CHRNA7: variants seen among roughly 807,000 people sequenced by gnomAD.
The protein encoded by CHRNA7 is cholinergic receptor nicotinic alpha 7 subunit.
A neutral mutation model predicts 48.0 loss-of-function variants in CHRNA7; 17 were observed. That is an observed-to-expected ratio of 0.35 (90% confidence interval 0.24 to 0.53). The LOEUF is 0.53. Among genes scored for constraint, CHRNA7 ranks in the 20% least tolerant of loss-of-function variants. The pLI is 0.92. For missense variants in CHRNA7, 155 were observed against 577.7 expected (o/e 0.27, Z 7.50); for synonymous variants, 75 against 242.3 (o/e 0.31, Z 6.41).
At chr15:32,084,842 T>C (rs1370140801) in intron 2 of CHRNA7, among the ~76,000 whole-genome samples, 1 of 151,960 alleles carries the variant, frequency 6.6e-6, no homozygotes, top group Non-Finnish European at 1.5e-5. Flanking sequence ...TCTTTTTTTT[T>C]TTTTTTTGAG....
At chr15:32,031,881 T>G (rs1901860067) in intron 2 of CHRNA7, among the ~76,000 whole-genome samples, 1 of 152,340 alleles carries the variant, frequency 6.6e-6, no homozygotes, top group Non-Finnish European at 1.5e-5. Context: ...CGGATTCTAT[T>G]GTGGAGCACC....
chr15:32,107,451 A>G, intron 3 of CHRNA7, among the ~76,000 whole-genome samples: 1 of 149,650 alleles, frequency 6.7e-6, no homozygotes, highest in East Asian at 1.9e-4. Flanking sequence ...TATTTAATAT[A>G]TTTATAAATA....
At chr15:32,060,530 C>A (rs2049862641) in intron 2 of CHRNA7, among the ~76,000 whole-genome samples, 1 of 152,054 alleles carries the variant, frequency 6.6e-6, no homozygotes, top group Admixed American at 6.6e-5. Context: ...ACTGAACAAT[C>A]CAATAAAACT....
chr15:32,094,918 A>G (rs2175884), intron 2 of CHRNA7, among the ~76,000 whole-genome samples: 121,538 of 152,220 alleles, frequency 0.8, 48,626 homozygotes, highest in East Asian at 0.93. Flanking sequence ...AAAGTGCTGG[A>G]ATTACAGGCG....
chr15:32,109,218 G>T (rs1242416100), intron 3 of CHRNA7, among the ~76,000 whole-genome samples: 2 of 152,112 alleles, frequency 1.3e-5, no homozygotes, highest in East Asian at 3.9e-4. Context: ...CTCTTTTTTA[G>T]ACCATGTAAG....
chr15:32,114,147 G>C (rs34233374), intron 4 of CHRNA7, among the ~76,000 whole-genome samples: 22,431 of 144,216 alleles, frequency 0.16, 2,181 homozygotes, highest in Middle Eastern at 0.25. Flanking sequence ...CACACACAGA[G>C]AGAGAGAGAG....
At chr15:32,120,367 C>T (rs2050947412) in intron 4 of CHRNA7, among the ~76,000 whole-genome samples, 1 of 152,186 alleles carries the variant, frequency 6.6e-6, no homozygotes, top group African/African-American at 2.4e-5. Flanking sequence ...CAGGCTCAGC[C>T]TTCCACTTCC....
intron 2 of CHRNA7, among the ~76,000 whole-genome samples, chr15:32,097,890 T>TGG (rs963495203): frequency 4.6e-5 from 7 of 152,302 alleles, no homozygotes; most frequent in African/African-American, 1.2e-4. Flanking sequence ...CATGGCAGGC[T>TGG]GGGGGCTCTG....
At chr15:32,141,586 C>T (rs1200401392) in intron 4 of CHRNA7, among the ~76,000 whole-genome samples, 1 of 152,170 alleles carries the variant, frequency 6.6e-6, no homozygotes, top group Non-Finnish European at 1.5e-5. Context: ...TTTGTGTCCT[C>T]TTTTATTTCA....
chr15:32,068,796 T>A (rs1245592713), intron 2 of CHRNA7, among the ~76,000 whole-genome samples: 1 of 151,456 alleles, frequency 6.6e-6, no homozygotes, highest in East Asian at 1.9e-4. Context: ...AGTAAACTGG[T>A]CAGGAATATA....
At chr15:32,048,037 G>A (rs1260487169) in intron 2 of CHRNA7, among the ~76,000 whole-genome samples, 1 of 152,160 alleles carries the variant, frequency 6.6e-6, no homozygotes, top group African/African-American at 2.4e-5. Context: ...GATCATGGTG[G>A]ATAAGCTTTT....
chr15:32,090,489 A>G (rs2050365573), intron 2 of CHRNA7, among the ~76,000 whole-genome samples: 2 of 152,168 alleles, frequency 1.3e-5, no homozygotes, highest in Admixed American at 6.5e-5. Context: ...CACTGAAATT[A>G]CCATTTAAGC....
intron 4 of CHRNA7, among the ~76,000 whole-genome samples, chr15:32,133,507 G>T (rs1328405430): frequency 6.6e-6 from 1 of 152,274 alleles, no homozygotes; most frequent in East Asian, 1.9e-4. Flanking sequence ...TCGTGCTTCT[G>T]CCCTCTTGCC....
intron 2 of CHRNA7, among the ~76,000 whole-genome samples, chr15:32,094,692 A>G (rs2337509): frequency 0.99 from 149,931 of 150,788 alleles, 74,545 homozygotes; most frequent in Middle Eastern, 1. Flanking sequence ...ACAGAGTCTT[A>G]CTCTGTCGCC....
chr15:32,114,061 C>CAAATAT (rs1555383701), intron 4 of CHRNA7, among the ~76,000 whole-genome samples: 1 of 120,226 alleles, frequency 8.3e-6, no homozygotes, highest in Non-Finnish European at 1.7e-5. Flanking sequence ...TATATATATA[C>CAAATAT]ATATATATAT....
chr15:32,102,230 C>G (rs1006187952), intron 3 of CHRNA7: 7 of 152,130 alleles, frequency 4.6e-5, no homozygotes, highest in African/African-American at 1.7e-4. Context: ...CTGCAACCTC[C>G]GCCTTCCAGG....
At chr15:32,134,631 C>T (rs2051215511) in intron 4 of CHRNA7, among the ~76,000 whole-genome samples, 1 of 152,218 alleles carries the variant, frequency 6.6e-6, no homozygotes, top group Non-Finnish European at 1.5e-5. Flanking sequence ...AGAAACATCT[C>T]ACTTTGAGCA....
intron 4 of CHRNA7, among the ~76,000 whole-genome samples, chr15:32,150,681 A>G (rs775847568): frequency 3.4e-4 from 51 of 152,190 alleles, no homozygotes; most frequent in Non-Finnish European, 6.8e-4. Context: ...TTTCAAATTC[A>G]AAGGAACTAA....
At chr15:32,091,793 T>TA (rs531471284) in intron 2 of CHRNA7, among the ~76,000 whole-genome samples, 1 of 152,224 alleles carries the variant, frequency 6.6e-6, no homozygotes, top group Non-Finnish European at 1.5e-5. Flanking sequence ...CTCACGTACT[T>TA]ACAATGTTCT....
Sources: allele counts gnomAD v4.1 joint callset (sites outside exome capture counted in the v4.1 genomes callset), GRCh38; gene constraint gnomAD v4.1.1; transcripts MANE v1.5; gene names NCBI Gene and HGNC (gene_info 2026-07-23, HGNC 2026-07-21).